The following DCUN1D4 variants were observed in gnomAD, a reference collection of about 807,000 sequenced individuals.
DCUN1D4 encodes the protein DCN1-like protein 4.
A neutral mutation model predicts 47.9 loss-of-function variants in DCUN1D4; 22 were observed. The ratio of observed to expected loss-of-function variants is 0.46; its 90% CI spans 0.33 to 0.66. The LOEUF is 0.66. Among genes scored for constraint, DCUN1D4 ranks in the 30% least tolerant of loss-of-function variants. The probability of loss-of-function intolerance (pLI) is 0.02; values close to 1 mark genes in which losing one functional copy is unlikely to be tolerated. For synonymous variants in DCUN1D4, 121 were observed against 112.2 expected (o/e 1.08, Z -0.50); for missense variants, 301 against 340.8 (o/e 0.88, Z 0.92).
chr4:51,895,660 C>A (rs1312232478), intron 7 of DCUN1D4, among the ~76,000 whole-genome samples: 1 of 150,690 alleles, frequency 6.6e-6, no homozygotes, highest in Non-Finnish European at 1.5e-5. Flanking sequence ...GGGGCAGGGG[C>A]CTTTTCCTGG....
At position 51,863,632 on chromosome 4, in the gene DCUN1D4, A is replaced by G. The variant is rs747729869; in HGVS notation, c.97-38A>G. On this transcript the variant is annotated intron_variant, in intron 2 of 10. Coordinates refer to ENST00000334635, the MANE Select transcript of DCUN1D4 (RefSeq NM_001040402.3). ...AGTTGTTTATGAAAATGCTAACGGT[A>G]TGTGATTTCTTCGTAATAACGAACA... 21 of 1,608,344 alleles carry G rather than the reference A, an allele frequency of 1.3e-5. No homozygotes were observed. In the South Asian group the frequency reaches 2.0e-4, roughly 15 times the overall value.
intron 1 of DCUN1D4, chr4:51,860,573 C>T (rs1724890828): frequency 8.8e-6 from 4 of 455,110 alleles, no homozygotes; most frequent in Non-Finnish European, 1.3e-5. Context: ...CTGGCATCTG[C>T]TTGGCTTCTA....
intron 7 of DCUN1D4, among the ~76,000 whole-genome samples, chr4:51,893,647 C>T (rs1730793806): frequency 6.6e-6 from 1 of 152,150 alleles, no homozygotes; most frequent in African/African-American, 2.4e-5. Flanking sequence ...GGCTCGAACT[C>T]CTGACCTCAA....
At chr4:51,849,169 G>T (rs866713501) in intron 1 of DCUN1D4, among the ~76,000 whole-genome samples, 4 of 152,154 alleles carry the variant, frequency 2.6e-5, no homozygotes, top group Non-Finnish European at 4.4e-5. Context: ...ACCCTGGCAG[G>T]CAGATCTTCT....
At chr4:51,878,175 A>G (rs1727982889) in intron 5 of DCUN1D4, among the ~76,000 whole-genome samples, 1 of 152,232 alleles carries the variant, frequency 6.6e-6, no homozygotes, top group Non-Finnish European at 1.5e-5. Context: ...CTGTGTTAAA[A>G]TAAGCTTTGC....
At chr4:51,895,371 G>A (rs766921372) in intron 7 of DCUN1D4, among the ~76,000 whole-genome samples, 28 of 151,858 alleles carry the variant, frequency 1.8e-4, no homozygotes, top group Non-Finnish European at 4.0e-4. Flanking sequence ...GCTCTCAGAG[G>A]AATTGTGTGC....
intron 8 of DCUN1D4, among the ~76,000 whole-genome samples, chr4:51,899,747 A>G (rs1242785113): frequency 1.3e-5 from 2 of 152,190 alleles, no homozygotes; most frequent in Non-Finnish European, 2.9e-5. Context: ...AATCATATCT[A>G]ATTCAGATTC....
chr4:51,843,255 G>T lies in DCUN1D4; in HGVS notation c.13G>T (p.Ala5Ser). The stretch of plus-strand genomic sequence containing the variant: ...GAGCTGCCTGAAAATGCACTCGGAT[G>T]CCGCCGCTGTCAGTGAGTAGCAGAG... MHSD[A>S]AAVNFQLNSH... Residue 5 changes from alanine to serine, a missense_variant, in exon 1 of 11, where the codon GCC becomes TCC. By Grantham distance (99) the Ala-to-Ser change is moderately conservative. Around this residue, in one of 2 missense-constraint regions of DCUN1D4, gnomAD observed 131 missense variants for 106.3 expected, o/e 1.23. Coordinates refer to ENST00000334635, the MANE Select transcript of DCUN1D4 (RefSeq NM_001040402.3). 6.5e-7 allele frequency: 1 copy of T among 1,542,308 alleles called. No homozygotes were observed.
At chr4:51,860,396 G>T in intron 1 of DCUN1D4, 1 of 307,914 alleles carries the variant, frequency 3.2e-6, no homozygotes, top group Non-Finnish European at 6.5e-6. Context: ...TTTTGTTCCT[G>T]TGTGTTGTGA....
At chr4:51,840,618 G>T (rs747987104), upstream of DCUN1D4, among the ~76,000 whole-genome samples, 2 of 152,094 alleles carry the variant, frequency 1.3e-5, no homozygotes, top group Non-Finnish European at 2.9e-5. Flanking sequence ...TTTCATGTAC[G>T]GTAAACATTC....
rs1335457256 is a variant in DCUN1D4, at chr4:51,915,612, A to G, written c.*2028A>G. On this transcript the variant is annotated 3_prime_UTR_variant, in exon 11 of 11. Transcript: ENST00000334635. ...ACACTTTAAAGGCAACAGGTCATAC[A>G]GTTCTTTAAATCTGATCAACTGTAG... is the stretch of plus-strand genomic sequence containing the variant. 1 of 152,614 alleles carries G rather than the reference A, an allele frequency of 6.6e-6. No homozygotes were observed. Among genetic ancestry groups the G allele is most frequent in the Admixed American group, 6.6e-5 (1 of 15,264 alleles). The allele number at this position is 152,614 out of a possible 1,614,324, so 9.5% of individuals were successfully genotyped here.
chr4:51,882,646 A>C (rs1409485936), intron 5 of DCUN1D4, among the ~76,000 whole-genome samples: 1 of 152,154 alleles, frequency 6.6e-6, no homozygotes, highest in Non-Finnish European at 1.5e-5. Flanking sequence ...GGGCACCTGT[A>C]GTCCCAGCTA....
At chr4:51,846,043 C>G (rs1011647193) in intron 1 of DCUN1D4, among the ~76,000 whole-genome samples, 1 of 152,140 alleles carries the variant, frequency 6.6e-6, no homozygotes, top group Non-Finnish European at 1.5e-5. Context: ...TAATTGTCTT[C>G]AAAATGGTGT....
intron 7 of DCUN1D4, among the ~76,000 whole-genome samples, chr4:51,895,533 A>T (rs544307019): frequency 7.1e-6 from 1 of 140,816 alleles, no homozygotes; most frequent in Non-Finnish European, 1.5e-5. Flanking sequence ...GGTCTGATGA[A>T]TTAAGCTAAT....
Position 51,843,264 on chromosome 4 carries a change from G to A in DCUN1D4, c.22G>A (p.Val8Ile). ...GAAAATGCACTCGGATGCCGCCGCTGTCAGTGAGTAGCAGAGAGCCAGCCA... is the reference window on the plus strand; with the variant it reads ...GAAAATGCACTCGGATGCCGCCGCTATCAGTGAGTAGCAGAGAGCCAGCCA... MHSDAAAVNFQLNSHLST... is the reference protein window; with the variant it reads MHSDAAAINFQLNSHLST... Residue 8 changes from valine to isoleucine, a missense_variant, in exon 1 of 11, where the codon GTC becomes ATC. By Grantham distance (29) the Val-to-Ile change is conservative (BLOSUM62 3). This residue lies in a region of DCUN1D4 where 131 missense variants were observed against 106.3 expected (regional missense o/e 1.23). Transcript: ENST00000334635. The A allele has an allele frequency of 1.3e-6, 2 of 1,542,232 alleles. No homozygotes were observed. Among genetic ancestry groups the A allele is most frequent in the Non-Finnish European group, 1.7e-6 (2 of 1,144,060 alleles).
In DCUN1D4 at chr4:51,899,118, A is replaced by T. The variant is rs1480784977; in HGVS notation, c.507-152A>T. Reference sequence around the variant, plus strand: ...CTTTCAACTTTTCTGTACATTTAAAATTTTTTTTAAGTGTAGAAAAAATAG... The same window carrying T: ...CTTTCAACTTTTCTGTACATTTAAATTTTTTTTTAAGTGTAGAAAAAATAG... On this transcript the variant is annotated intron_variant, in intron 7 of 10. Transcript: ENST00000334635. 12 of 1,324,092 alleles carry T rather than the reference A, an allele frequency of 9.1e-6. No individual in the cohort carries two copies. In the East Asian group the frequency reaches 1.5e-4, roughly 16 times the overall value. 82.0% of individuals were successfully genotyped at this position (1,324,092 alleles called of 1,614,324 possible).
At chr4:51,876,795 AC>A (rs1727775580) in intron 4 of DCUN1D4, among the ~76,000 whole-genome samples, 1 of 152,136 alleles carries the variant, frequency 6.6e-6, no homozygotes, top group African/African-American at 2.4e-5. Context: ...GGTCCTGGAA[AC>A]AGTCCCCTGC....
chr4:51,895,579 A>C (rs891247385), intron 7 of DCUN1D4, among the ~76,000 whole-genome samples: 11 of 151,664 alleles, frequency 7.3e-5, no homozygotes, highest in African/African-American at 2.4e-4. Flanking sequence ...AAAAAAAAAA[A>C]AAAAAAAAAC....
In DCUN1D4 at chr4:51,911,121, C is replaced by G; in HGVS notation, c.667C>G (p.Leu223Val). 1 of 1,612,846 alleles carries G rather than the reference C, an allele frequency of 6.2e-7. No homozygotes were observed. The highest frequency in any genetic ancestry group is 1.3e-5 in the African/African-American group (1 of 74,926). The change falls in exon 9 of 11, where the codon CTG becomes GTG. Residue 223 changes from leucine to valine, a missense_variant. This residue lies in a region of DCUN1D4 where 170 missense variants were observed against 234.5 expected (regional missense o/e 0.73). Transcript: ENST00000334635. The stretch of plus-strand genomic sequence containing the variant: ...AAACACTGCCAAGTGCATGTTGGGA[C>G]TGTTATTAGGAAAAATCTGGCCCCT... ...DINTAKCMLG[L>V]LLGKIWPLFP...
Sources: allele counts gnomAD v4.1 joint callset (sites outside exome capture counted in the v4.1 genomes callset), GRCh38; gene constraint gnomAD v4.1.1; regional missense constraint gnomAD v4.1.1; transcripts MANE v1.5; gene names NCBI Gene and HGNC (gene_info 2026-07-23, HGNC 2026-07-21).